The following RIGI variants were observed in gnomAD, a reference collection of about 807,000 sequenced individuals.
The protein encoded by RIGI is antiviral innate immune response receptor RIG-I.
chr9:32,510,151 T>C, the RIGI span, among the ~76,000 whole-genome samples: 6 of 152,130 alleles, frequency 3.9e-5, no homozygotes, highest in Non-Finnish European at 7.3e-5. Flanking sequence ...TGGAACCAAG[T>C]TGGAAAACTC....
the RIGI span, among the ~76,000 whole-genome samples, chr9:32,463,494 T>A: frequency 1.3e-5 from 2 of 152,266 alleles, no homozygotes; most frequent in South Asian, 2.1e-4. Flanking sequence ...TTTAAAAAAA[T>A]TCACTTATAA....
At chr9:32,509,169 A>G in the RIGI span, among the ~76,000 whole-genome samples, 92,645 of 152,056 alleles carry the variant, frequency 0.61, 28,499 homozygotes, top group Middle Eastern at 0.68. Flanking sequence ...AGCTGTGGGC[A>G]CAGCTTCAGC....
At chr9:32,487,933 C>T in the RIGI span, 5 of 1,613,060 alleles carry the variant, frequency 3.1e-6, no homozygotes, top group East Asian at 1.1e-4. Context: ...ATTCGTCTGA[C>T]TTTGGAGATA....
At chr9:32,520,317 T>G in the RIGI span, among the ~76,000 whole-genome samples, 2 of 152,168 alleles carry the variant, frequency 1.3e-5, no homozygotes, top group African/African-American at 4.8e-5. Flanking sequence ...CAGTAACTAC[T>G]AGGCACCAAA....
the RIGI span, among the ~76,000 whole-genome samples, chr9:32,491,053 A>C: frequency 6.6e-6 from 1 of 152,312 alleles, no homozygotes; most frequent in South Asian, 2.1e-4. Flanking sequence ...AGACACGCCC[A>C]TACTTTCTTA....
At chr9:32,504,942 T>A in the RIGI span, among the ~76,000 whole-genome samples, 2 of 109,696 alleles carry the variant, frequency 1.8e-5, 1 homozygote. Context: ...TAATATATAT[T>A]TAAACATATA....
chr9:32,521,252 A>G, the RIGI span, among the ~76,000 whole-genome samples: 1 of 151,872 alleles, frequency 6.6e-6, no homozygotes. Context: ...AAAATATACC[A>G]TACAAAGGTA....
the RIGI span, among the ~76,000 whole-genome samples, chr9:32,463,775 G>T: frequency 6.6e-6 from 1 of 151,394 alleles, no homozygotes; most frequent in African/African-American, 2.4e-5. Flanking sequence ...TTAATTATGT[G>T]TAGTCATGGG....
At chr9:32,488,602 G>A in the RIGI span, 1 of 922,716 alleles carries the variant, frequency 1.1e-6, no homozygotes, top group Non-Finnish European at 1.5e-6. Context: ...ATCCATGAAG[G>A]GATAACATCT....
chr9:32,504,718 T>C, the RIGI span, among the ~76,000 whole-genome samples: 10 of 142,442 alleles, frequency 7.0e-5, no homozygotes, highest in African/African-American at 1.6e-4. Flanking sequence ...ATTTAATATA[T>C]ATAAAATATA....
chr9:32,494,978 A>G, the RIGI span, among the ~76,000 whole-genome samples: 1 of 152,166 alleles, frequency 6.6e-6, no homozygotes, highest in African/African-American at 2.4e-5. Context: ...TAATGCTACT[A>G]TCAACATGGA....
At chr9:32,526,037 G>A in the RIGI span, 1 of 1,572,738 alleles carries the variant, frequency 6.4e-7, no homozygotes, top group Non-Finnish European at 8.8e-7. Context: ...TTTCCGCCGA[G>A]AAGGCGCCGC....
At chr9:32,492,587 C>T in the RIGI span, 1 of 1,604,858 alleles carries the variant, frequency 6.2e-7, no homozygotes, top group Non-Finnish European at 8.5e-7. Flanking sequence ...AAAAGTTTTC[C>T]CTTTATCAAT....
At chr9:32,466,957 T>C in the RIGI span, among the ~76,000 whole-genome samples, 1 of 152,124 alleles carries the variant, frequency 6.6e-6, no homozygotes, top group East Asian at 1.9e-4. Flanking sequence ...GATCTCTTCA[T>C]AACCAGCAAA....
At chr9:32,476,718 C>G in the RIGI span, among the ~76,000 whole-genome samples, 3 of 151,070 alleles carry the variant, frequency 2.0e-5, no homozygotes, top group Non-Finnish European at 4.4e-5. Flanking sequence ...CTGTCATGAT[C>G]ACTGCAGCCT....
At chr9:32,475,505 A>G in the RIGI span, among the ~76,000 whole-genome samples, 255 of 152,312 alleles carry the variant, frequency 1.7e-3, 1 homozygote, top group African/African-American at 5.9e-3. Flanking sequence ...AGATCCATGC[A>G]AATATAGTCA....
the RIGI span, chr9:32,493,777 C>T: frequency 1.3e-6 from 2 of 1,578,006 alleles, no homozygotes; most frequent in South Asian, 1.2e-5. Flanking sequence ...AATTTCTTCA[C>T]ATTCCTGATT....
At chr9:32,486,877 C>T in the RIGI span, among the ~76,000 whole-genome samples, 1 of 152,190 alleles carries the variant, frequency 6.6e-6, no homozygotes, top group African/African-American at 2.4e-5. Flanking sequence ...CTACACCACT[C>T]CCTATTACAT....
chr9:32,484,399 C>T, the RIGI span, among the ~76,000 whole-genome samples: 9 of 152,230 alleles, frequency 5.9e-5, no homozygotes, highest in Non-Finnish European at 7.4e-5. Context: ...GTCTTACAGA[C>T]GTCACATTTA....
Sources: allele counts gnomAD v4.1 joint callset (sites outside exome capture counted in the v4.1 genomes callset), GRCh38; gene constraint gnomAD v4.1.1; transcripts MANE v1.5; gene names NCBI Gene and HGNC (gene_info 2026-07-23, HGNC 2026-07-21).